The following CDK14 variants were observed in gnomAD, a reference collection of about 807,000 sequenced individuals.
The protein encoded by CDK14 is cyclin dependent kinase 14, also known as cyclin-dependent kinase 14.
In CDK14, 34 loss-of-function variants were observed where a neutral mutation model predicts 60.7. That is an observed-to-expected ratio of 0.56 (90% confidence interval 0.43 to 0.75). The LOEUF (loss-of-function observed/expected upper bound fraction) is 0.75. Ranked by LOEUF, CDK14 falls within the 30% of genes least tolerant of loss-of-function variation. CDK14 has a pLI of 0.00. For synonymous variants in CDK14, 197 were observed against 203.7 expected (o/e 0.97, Z 0.28); for missense variants, 482 against 564.1 (o/e 0.85, Z 1.47).
intron 5 of CDK14, among the ~76,000 whole-genome samples, chr7:90,855,796 T>A (rs1790800585): frequency 6.6e-6 from 1 of 152,206 alleles, no homozygotes; most frequent in South Asian, 2.1e-4. Flanking sequence ...AGGAGTGTGT[T>A]CTTTACAGTG....
At chr7:90,895,380 CCTCTCCTCTCCTCT>C (rs1562817596) in intron 6 of CDK14, among the ~76,000 whole-genome samples, 3 of 5,242 alleles carry the variant, frequency 5.7e-4, no homozygotes, top group African/African-American at 1.7e-3. Flanking sequence ...CCTCCCCTCT[CCTCTCCTCTCCTCT>C]CCTCTCCTCT....
chr7:90,943,522 A>G (rs1201928664), intron 8 of CDK14, among the ~76,000 whole-genome samples: 2 of 152,186 alleles, frequency 1.3e-5, no homozygotes, highest in East Asian at 3.9e-4. Flanking sequence ...ATTAGTCAGG[A>G]AAGTGGCTCC....
intron 9 of CDK14, among the ~76,000 whole-genome samples, chr7:90,959,039 A>G (rs1031959683): frequency 1.3e-5 from 2 of 152,056 alleles, no homozygotes; most frequent in African/African-American, 4.8e-5. Context: ...CCCGTGTGTC[A>G]CTTTTTCTTC....
At chr7:90,826,230 T>A (rs1562788279) in intron 5 of CDK14, among the ~76,000 whole-genome samples, 2 of 152,310 alleles carry the variant, frequency 1.3e-5, no homozygotes, top group East Asian at 3.9e-4. Context: ...ATTTATTTAT[T>A]TTTTTGAGAT....
rs1278258312 is a variant in CDK14, at chr7:90,672,509, T to G, written c.124-54058T>G. ...ATCAGTGCTTCTTCTTCTGTTTTTT[T>G]TTTTTTTTTTTTTTTTTTTTTTTTT... On this transcript the variant is annotated intron_variant, in intron 2 of 14. Coordinates refer to ENST00000380050, the MANE Select transcript of CDK14 (RefSeq NM_001287135.2). Among the ~76,000 whole-genome samples, 7 of 37,654 alleles carry G rather than the reference T, an allele frequency of 1.9e-4. No individual in the cohort carries two copies. In the East Asian group the frequency reaches 3.4e-3, roughly 18 times the overall value. 24.7% of individuals were successfully genotyped at this position (37,654 alleles called of 152,430 possible).
intron 5 of CDK14, among the ~76,000 whole-genome samples, chr7:90,812,454 C>G (rs996882849): frequency 1.3e-5 from 2 of 151,810 alleles, no homozygotes; most frequent in Non-Finnish European, 1.5e-5. Flanking sequence ...ATATCACACA[C>G]TGGGGCCTGT....
intron 11 of CDK14, among the ~76,000 whole-genome samples, chr7:91,069,275 G>C (rs545604601): frequency 6.6e-6 from 1 of 152,090 alleles, no homozygotes; most frequent in Non-Finnish European, 1.5e-5. Flanking sequence ...ACAGCGGCTC[G>C]TGCTTGTAAT....
intron 7 of CDK14, among the ~76,000 whole-genome samples, chr7:90,909,002 T>C (rs916457789): frequency 9.9e-5 from 15 of 152,134 alleles, no homozygotes; most frequent in African/African-American, 3.4e-4. Flanking sequence ...TTTGATTGAG[T>C]ATCTAAAATG....
chr7:90,748,765 C>G (rs1224401450), intron 4 of CDK14, among the ~76,000 whole-genome samples: 1 of 152,012 alleles, frequency 6.6e-6, no homozygotes, highest in Non-Finnish European at 1.5e-5. Flanking sequence ...TTAAAAAACT[C>G]TTTTGCAGAA....
chr7:90,760,608 T>C (rs1034307852), intron 4 of CDK14, among the ~76,000 whole-genome samples: 4 of 152,208 alleles, frequency 2.6e-5, no homozygotes, highest in African/African-American at 9.6e-5. Flanking sequence ...TTTTAGACTT[T>C]GGGCTCTTGG....
At position 91,171,151 on chromosome 7, in the gene CDK14, C is replaced by G. The variant is rs1801504522; in HGVS notation, c.*29-36014C>G. On this transcript the variant is annotated intron_variant, in intron 14 of 14. Coordinates refer to ENST00000380050, the MANE Select transcript of CDK14 (RefSeq NM_001287135.2). Reference sequence around the variant, plus strand: ...GATCACAAGGTCAGAAGATTGAGACCATCCTCGCTAACACAGTGAAACCCC... The same window carrying G: ...GATCACAAGGTCAGAAGATTGAGACGATCCTCGCTAACACAGTGAAACCCC... 2.0e-5 allele frequency among the ~76,000 whole-genome samples: 3 copies of G among 151,928 alleles called. No individual in the cohort carries two copies. The South Asian group carries it at 6.2e-4, about 32-fold the overall frequency.
intron 14 of CDK14, among the ~76,000 whole-genome samples, chr7:91,141,466 G>A (rs1399284330): frequency 6.6e-6 from 1 of 152,170 alleles, no homozygotes; most frequent in African/African-American, 2.4e-5. Context: ...GAGAAAGAGA[G>A]ATAGAAATTA....
chr7:91,009,789 G>A (rs1796096635), intron 10 of CDK14, among the ~76,000 whole-genome samples: 1 of 152,070 alleles, frequency 6.6e-6, no homozygotes, highest in South Asian at 2.1e-4. Context: ...CTTTCTCATT[G>A]TCTTCACAGT....
At chr7:90,796,070 G>T (rs915047176) in intron 5 of CDK14, among the ~76,000 whole-genome samples, 14 of 152,178 alleles carry the variant, frequency 9.2e-5, no homozygotes, top group African/African-American at 3.4e-4. Flanking sequence ...TTAGCACACT[G>T]AGACCTGGCT....
intron 14 of CDK14, among the ~76,000 whole-genome samples, chr7:91,147,137 C>G (rs1017522450): frequency 1.2e-5 from 1 of 82,134 alleles, no homozygotes; most frequent in African/African-American, 4.0e-5. Context: ...TAGCACCTCT[C>G]TCTGTCTCTC....
chr7:90,836,344 T>C (rs1017259492), intron 5 of CDK14, among the ~76,000 whole-genome samples: 4 of 152,218 alleles, frequency 2.6e-5, no homozygotes, highest in Non-Finnish European at 2.9e-5. Context: ...CTATTTTTAA[T>C]ATTTCAATTT....
At chr7:91,113,240 G>A (rs1428646081) in intron 13 of CDK14, among the ~76,000 whole-genome samples, 1 of 152,196 alleles carries the variant, frequency 6.6e-6, no homozygotes, top group Non-Finnish European at 1.5e-5. Flanking sequence ...TTGGCAATTG[G>A]CTAATGCACT....
At chr7:90,831,523 G>T (rs565354365) in intron 5 of CDK14, among the ~76,000 whole-genome samples, 4 of 152,090 alleles carry the variant, frequency 2.6e-5, no homozygotes, top group African/African-American at 9.7e-5. Flanking sequence ...ACAATTTTTA[G>T]ATTAGATTTT....
rs1292646982 is a variant in CDK14 at position 90,715,114 on chromosome 7, C to T, written c.124-11453C>T. Among the ~76,000 whole-genome samples the T allele has an allele frequency of 2.6e-5, 4 of 151,980 alleles. No homozygotes were observed. The East Asian group carries it at 7.7e-4, about 29-fold the overall frequency. On this transcript the variant is annotated intron_variant, in intron 2 of 14. Transcript: ENST00000380050. ...TGCACCTTCTGGATGCTGTATTTTA[C>T]ATGAGGGACAGAATAGTGAGCTACA...
Sources: allele counts gnomAD v4.1 joint callset (sites outside exome capture counted in the v4.1 genomes callset), GRCh38; gene constraint gnomAD v4.1.1; transcripts MANE v1.5; gene names NCBI Gene and HGNC (gene_info 2026-07-23, HGNC 2026-07-21).